PLA2G4E: variants seen among roughly 807,000 people sequenced by gnomAD.
PLA2G4E encodes the protein cytosolic phospholipase A2 epsilon.
Under a neutral mutation model 109.1 loss-of-function variants are expected in PLA2G4E, and 84 were observed. The ratio of observed to expected loss-of-function variants is 0.77; its 90% CI spans 0.65 to 0.92. PLA2G4E has a LOEUF of 0.92. Ranked by LOEUF, PLA2G4E falls within the 40% of genes least tolerant of loss-of-function variation. PLA2G4E has a pLI of 0.00. For synonymous variants in PLA2G4E, 469 were observed against 436.1 expected (o/e 1.08, Z -0.94); for missense variants, 1,057 against 1,076.6 (o/e 0.98, Z 0.25).
At chr15:42,013,564 TG>T in intron 2 of PLA2G4E, 120 bp downstream of exon 2, 1 of 856,598 alleles carries the variant, frequency 1.2e-6, no homozygotes, top group Non-Finnish European at 1.9e-6. Flanking sequence ...GTATACACCA[TG>T]CACGTGCACA....
At chr15:41,995,094 C>T (rs951486251) in intron 12 of PLA2G4E, among the ~76,000 whole-genome samples, 5 of 152,274 alleles carry the variant, frequency 3.3e-5, no homozygotes, top group African/African-American at 7.2e-5. Context: ...CATACAGTGT[C>T]TCTGGCATAC....
rs575392218 is a variant in PLA2G4E at position 42,030,374 on chromosome 15, G to A, written c.184-16617C>T. 3.3e-5 allele frequency among the ~76,000 whole-genome samples: 5 copies of A among 152,252 alleles called. 1 individual carries two copies. Among genetic ancestry groups the A allele is most frequent in the South Asian group, 4.1e-4 (2 of 4,828 alleles). ...TGGAGCAAGTGGTAGCCTGCAAAACGCCCCAGATCAATGCCTATCCCTCTT... is the reference window on the plus strand; with the variant it reads ...TGGAGCAAGTGGTAGCCTGCAAAACACCCCAGATCAATGCCTATCCCTCTT... On this transcript the variant is annotated intron_variant, in intron 1 of 19. Transcript: ENST00000399518.
At chr15:42,013,442 C>T (rs1264299567) in intron 2 of PLA2G4E, among the ~76,000 whole-genome samples, 1 of 152,174 alleles carries the variant, frequency 6.6e-6, no homozygotes, top group Non-Finnish European at 1.5e-5. Flanking sequence ...GCAGGTAGCG[C>T]CGAGGGAACA....
At chr15:42,013,987 G>A (rs1317410808) in intron 1 of PLA2G4E, among the ~76,000 whole-genome samples, 1 of 145,382 alleles carries the variant, frequency 6.9e-6, no homozygotes, top group Non-Finnish European at 1.5e-5. Flanking sequence ...TGCCTCCCAG[G>A]TTCTAGTGAT....
At chr15:41,985,792 T>G (rs778194963) in intron 18 of PLA2G4E, 47 bp downstream of exon 18, 2 of 1,571,234 alleles carry the variant, frequency 1.3e-6, no homozygotes, top group Non-Finnish European at 1.7e-6. Flanking sequence ...GGGGCCCATC[T>G]TAGGAGAGGC....
intron 1 of PLA2G4E, among the ~76,000 whole-genome samples, chr15:42,035,043 G>C (rs763004226): frequency 1.6e-4 from 24 of 152,178 alleles, no homozygotes; most frequent in Non-Finnish European, 3.2e-4. Context: ...GCCTTTCACT[G>C]TCCCCTGAAC....
At chr15:42,036,868 G>A (rs114347486) in intron 1 of PLA2G4E, among the ~76,000 whole-genome samples, 4,595 of 152,234 alleles carry the variant, frequency 0.03, 235 homozygotes, top group African/African-American at 0.1. Flanking sequence ...GAGTCCCCCC[G>A]ACCCCCCGGC....
chr15:41,984,445 T>G (rs773266308), exon 19 of PLA2G4E: 8 of 1,612,476 alleles, frequency 5.0e-6, no homozygotes, highest in Non-Finnish European at 6.8e-6. Flanking sequence ...CCTGGTGCCT[T>G]GTATTTTCGG....
intron 1 of PLA2G4E, among the ~76,000 whole-genome samples, chr15:42,026,235 C>A (rs2068691876): frequency 6.6e-6 from 1 of 151,922 alleles, no homozygotes; most frequent in Non-Finnish European, 1.5e-5. Flanking sequence ...ATTATGGGAA[C>A]AAAATGGAGG....
chr15:41,995,530 G>A, intron 11 of PLA2G4E, 34 bp from the exon 12 acceptor site: 1 of 1,606,670 alleles, frequency 6.2e-7, no homozygotes, highest in Non-Finnish European at 8.5e-7. Context: ...GTTGGGGAAG[G>A]CTCCAGAAGC....
intron 1 of PLA2G4E, among the ~76,000 whole-genome samples, 59 bp from the exon 1 acceptor site, chr15:42,021,101 C>T (rs991535728): frequency 6.6e-6 from 1 of 152,012 alleles, no homozygotes; most frequent in African/African-American, 2.4e-5. Context: ...CCTTCCTGGC[C>T]ACAGCTTGGC....
Position 42,004,922 on chromosome 15 carries a change from G to A in PLA2G4E, c.566+16C>T. 1.2e-6 allele frequency: 2 copies of A among 1,612,592 alleles called. No individual in the cohort carries two copies. The highest frequency in any genetic ancestry group is 1.7e-4 in the Middle Eastern group (1 of 6,056). On this transcript the variant is annotated intron_variant, in intron 5 of 19. Coordinates refer to ENST00000399518, the Ensembl canonical transcript of PLA2G4E. ...GGCCAGGACCTTGGTGGGCCCCGGG[G>A]CCTGGGCCTACTCACCTCTCCTCCA...
chr15:42,032,930 G>A (rs1394880138), intron 1 of PLA2G4E, among the ~76,000 whole-genome samples: 4 of 152,142 alleles, frequency 2.6e-5, no homozygotes, highest in African/African-American at 9.7e-5. Flanking sequence ...CCAGGGCAGG[G>A]GACTCCCCCA....
Position 41,989,569 on chromosome 15 carries a change from A to G in PLA2G4E, c.1586-17T>C, listed in dbSNP as rs1204399917. The G allele has an allele frequency of 6.2e-7, 1 of 1,608,940 alleles. No individual in the cohort carries two copies. The highest frequency in any genetic ancestry group is 1.7e-5 in the Admixed American group (1 of 59,720). ...CGAACCACTCTGCACATGAAGCAGC[A>G]GGACGGGGGTCAGTCTCAGGCCAGG... is the stretch of plus-strand genomic sequence containing the variant. On this transcript the variant is annotated splice_polypyrimidine_tract_variant and intron_variant, in intron 14 of 19. Coordinates refer to ENST00000399518, the Ensembl canonical transcript of PLA2G4E.
At chr15:41,996,016 T>C (rs1480751545) in intron 11 of PLA2G4E, among the ~76,000 whole-genome samples, 2 of 152,110 alleles carry the variant, frequency 1.3e-5, no homozygotes, top group African/African-American at 4.8e-5. Flanking sequence ...TTGCCAGCTC[T>C]GGGTCAGCAG....
intron 1 of PLA2G4E, among the ~76,000 whole-genome samples, chr15:42,039,499 A>C (rs1483168595): frequency 6.6e-6 from 1 of 152,022 alleles, no homozygotes; most frequent in Non-Finnish European, 1.5e-5. Flanking sequence ...CTCCAAATAG[A>C]ACCAAGTATA....
chr15:42,040,816 A>G (rs1460880251), intron 1 of PLA2G4E, among the ~76,000 whole-genome samples: 2 of 152,150 alleles, frequency 1.3e-5, no homozygotes, highest in Non-Finnish European at 2.9e-5. Context: ...GCTCTCAGAT[A>G]CTCTGATGTA....
intron 12 of PLA2G4E, among the ~76,000 whole-genome samples, chr15:41,994,461 T>G: frequency 6.6e-6 from 1 of 152,204 alleles, no homozygotes; most frequent in East Asian, 1.9e-4. Flanking sequence ...CGGCCCTGCT[T>G]GATAGGCCAC....
In PLA2G4E at chr15:41,989,660, G is replaced by C; in HGVS notation, c.1586-108C>G. Reference sequence around the variant, plus strand: ...ACTGGCTCAGGCCTTGGAAAGCCTGGGACAGGGAGGCCGCAGTTCCCCCAA... The same window carrying C: ...ACTGGCTCAGGCCTTGGAAAGCCTGCGACAGGGAGGCCGCAGTTCCCCCAA... On this transcript the variant is annotated intron_variant, in intron 14 of 19. Coordinates refer to ENST00000399518, the Ensembl canonical transcript of PLA2G4E. 3 of 1,418,774 alleles carry C rather than the reference G, an allele frequency of 2.1e-6. No individual in the cohort carries two copies. In the South Asian group the frequency reaches 4.3e-5, roughly 20 times the overall value. The allele number at this position is 1,418,774 out of a possible 1,614,324, so 87.9% of individuals were successfully genotyped here.
Sources: allele counts gnomAD v4.1 joint callset (sites outside exome capture counted in the v4.1 genomes callset), GRCh38; gene constraint gnomAD v4.1.1; transcripts MANE v1.5; gene names NCBI Gene and HGNC (gene_info 2026-07-23, HGNC 2026-07-21).